SLC12A2: variants seen among roughly 807,000 people sequenced by gnomAD.
SLC12A2 encodes solute carrier family 12 member 2.
Under a neutral mutation model 136.3 loss-of-function variants are expected in SLC12A2, and 67 were observed. That is an observed-to-expected ratio of 0.49 (90% CI 0.40 to 0.60). SLC12A2 has a LOEUF of 0.60. Among genes scored for constraint, SLC12A2 ranks in the 20% least tolerant of loss-of-function variants. SLC12A2 has a pLI of 0.00. For synonymous variants in SLC12A2, 619 were observed against 562.9 expected, an observed-to-expected ratio of 1.10 and a Z score of -1.41; for missense variants, 1,322 against 1,534.7, an observed-to-expected ratio of 0.86 and a Z score of 2.32.
Position 128,083,775 on chromosome 5 carries a change from C to G in SLC12A2, c.-180C>G. 2.5e-6 allele frequency: 1 copy of G among 399,148 alleles called. No homozygotes were observed. The highest frequency in any genetic ancestry group is 4.2e-6 in the Non-Finnish European group (1 of 237,136). 24.7% of individuals were successfully genotyped at this position (399,148 alleles called of 1,614,324 possible). ...CCGCCCCGCGCCCGCCACACTCGCG[C>G]GCTCGCTCGGCTGCCGGTGGCCTCT... On this transcript the variant is annotated 5_prime_UTR_variant, in exon 1 of 27. Transcript: ENST00000262461.
chr5:128,102,859 C>CTTTAT (rs1760796515), intron 1 of SLC12A2, among the ~76,000 whole-genome samples: 2 of 151,770 alleles, frequency 1.3e-5, no homozygotes, highest in South Asian at 4.2e-4. Flanking sequence ...TGAGCTCAAG[C>CTTTAT]GATCCACTGG....
chr5:128,123,024 G>T (rs1761648893), intron 4 of SLC12A2, among the ~76,000 whole-genome samples: 1 of 151,996 alleles, frequency 6.6e-6, no homozygotes, highest in South Asian at 2.1e-4. Flanking sequence ...TACGAATCTG[G>T]CAAGTAATAG....
intron 11 of SLC12A2, among the ~76,000 whole-genome samples, chr5:128,148,412 TC>T (rs1294633846): frequency 6.6e-6 from 1 of 151,848 alleles, no homozygotes; most frequent in Admixed American, 6.6e-5. Context: ...CTTTAAGATT[TC>T]AGCTTGTTTT....
intron 15 of SLC12A2, among the ~76,000 whole-genome samples, chr5:128,155,214 T>A (rs1403626127): frequency 6.6e-6 from 1 of 152,204 alleles, no homozygotes; most frequent in East Asian, 1.9e-4. Flanking sequence ...CTCAGAATGA[T>A]GCATAATTTA....
Position 128,113,728 on chromosome 5 carries a change from CTT to C in SLC12A2, c.877-481_877-480del, listed in dbSNP as rs1411160802. Among the ~76,000 whole-genome samples the C allele has an allele frequency of 3.9e-5, 6 of 152,104 alleles. No individual in the cohort carries two copies. In the East Asian group the frequency reaches 1.2e-3, roughly 29 times the overall value. On this transcript the variant is annotated intron_variant, in intron 2 of 26. Transcript: ENST00000262461. ...TAAAACTGAAAATAAATAGGGGAAA[CTT>C]TTACAACTAATTTGAATTTTTAAAA...
At chr5:128,180,715 C>T (rs565652802) in intron 22 of SLC12A2, among the ~76,000 whole-genome samples, 168 bp from the exon 23 acceptor site, 89 of 152,230 alleles carry the variant, frequency 5.8e-4, no homozygotes, top group South Asian at 2.5e-3. Context: ...TTAGGAGTCC[C>T]TTGTTTCTCA....
chr5:128,166,936 G>A (rs1763224026), intron 17 of SLC12A2, among the ~76,000 whole-genome samples: 1 of 151,996 alleles, frequency 6.6e-6, no homozygotes, highest in Non-Finnish European at 1.5e-5. Context: ...TTGGCCCTCT[G>A]TGTCTGCAGG....
chr5:128,086,155 G>A (rs1760092501), intron 1 of SLC12A2, among the ~76,000 whole-genome samples: 1 of 152,164 alleles, frequency 6.6e-6, no homozygotes, highest in African/African-American at 2.4e-5. Flanking sequence ...GCAGTAAAGT[G>A]ATCTGTATTT....
At position 128,084,043 on chromosome 5, in the gene SLC12A2, C is replaced by T; in HGVS notation, c.89C>T (p.Ala30Val). 2.4e-6 allele frequency: 3 copies of T among 1,276,064 alleles called. No individual in the cohort carries two copies. The highest frequency in any genetic ancestry group is 2.0e-6 in the Non-Finnish European group (2 of 1,013,946). The allele number at this position is 1,276,064 out of a possible 1,614,324, so 79.0% of individuals were successfully genotyped here. A position where few individuals can be genotyped will look rare whatever the true frequency, so the allele number is the denominator to read the frequency against. ...CCGTCAGCCGCTGCGCTGGCCGCAG[C>T]CAGGGTGGAACTGCCCGGCACGGCT... ...ETPSAAALAA[A>V]RVELPGTAVP... is the part of the protein sequence containing the mutation. The change falls in exon 1 of 27, where the codon GCC becomes GTC. Residue 30 changes from alanine (A) to valine (V), a missense_variant. This residue lies in a region of SLC12A2 where 358 missense variants were observed against 299.7 expected (regional missense o/e 1.19). Coordinates refer to ENST00000262461, the MANE Select transcript of SLC12A2 (RefSeq NM_001046.3). The surrounding 1 kb of genome is among the most constrained non-coding windows in gnomAD (Gnocchi z 5.6).
At position 128,097,025 on chromosome 5, in the gene SLC12A2, A is replaced by G. The variant is rs7734711; in HGVS notation, c.756+12315A>G. Among the ~76,000 whole-genome samples the G allele has an allele frequency of 2.3e-3, 349 of 152,208 alleles. 1 individual carries two copies. The highest frequency in any genetic ancestry group is 7.8e-3 in the African/African-American group (326 of 41,576). ...GAAATTAACAATGTTTTAAATCTCA[A>G]TACAAAAAAAGAGTCAGTGAACTAT... On this transcript the variant is annotated intron_variant, in intron 1 of 26. Transcript: ENST00000262461.
At chr5:128,184,642 A>G (rs1378374570) in intron 25 of SLC12A2, 141 bp downstream of exon 25, 1 of 1,415,044 alleles carries the variant, frequency 7.1e-7, no homozygotes, top group Non-Finnish European at 9.6e-7. Flanking sequence ...AGTGGAAAGC[A>G]TTTTTAAAAA....
chr5:128,167,978 T>C (rs945786545), intron 18 of SLC12A2, 111 bp downstream of exon 18: 3 of 595,690 alleles, frequency 5.0e-6, no homozygotes, highest in East Asian at 3.1e-5. Context: ...AATGGAAATA[T>C]AAGAACGAAA....
At chr5:128,155,069 C>T (rs147512109) in intron 15 of SLC12A2, among the ~76,000 whole-genome samples, 3 of 152,058 alleles carry the variant, frequency 2.0e-5, no homozygotes, top group East Asian at 3.9e-4. Context: ...ACAGGCACTG[C>T]GATATGCAAC....
intron 18 of SLC12A2, chr5:128,168,973 G>A (rs1763287279): frequency 6.6e-6 from 1 of 152,126 alleles, no homozygotes; most frequent in African/African-American, 2.4e-5. Flanking sequence ...GGATTTTGTG[G>A]ATGTTTAATG....
At chr5:128,175,509 C>T (rs1763509859) in intron 20 of SLC12A2, among the ~76,000 whole-genome samples, 1 of 151,866 alleles carries the variant, frequency 6.6e-6, no homozygotes, top group African/African-American at 2.4e-5. Context: ...TTCATTTCCT[C>T]TTTTTTGTTT....
In SLC12A2 at chr5:128,084,480, G is replaced by A. The variant is rs1446502953; in HGVS notation, c.526G>A (p.Asp176Asn). The A allele has an allele frequency of 1.2e-6, 2 of 1,610,836 alleles. No individual in the cohort carries two copies. Among genetic ancestry groups the A allele is most frequent in the South Asian group, 1.1e-5 (1 of 90,960 alleles). ...GPNVSFQNGGDTVLSEGSSLH... is the reference protein window; with the variant it reads ...GPNVSFQNGGNTVLSEGSSLH... Reference sequence around the variant, plus strand: ...CAACGTGAGCTTCCAGAACGGCGGGGACACGGTGCTGAGCGAGGGCAGCAG... The same window carrying A: ...CAACGTGAGCTTCCAGAACGGCGGGAACACGGTGCTGAGCGAGGGCAGCAG... Residue 176 changes from aspartate (D) to asparagine (N), a missense_variant, in exon 1 of 27, where the codon GAC becomes AAC. Physicochemically the swap from Asp to Asn is conservative, Grantham distance 23 (BLOSUM62 1). Transcript: ENST00000262461. This position sits in a 1 kb window ranked among gnomAD's most constrained non-coding sequence, Gnocchi z 5.6.
Position 128,084,816 on chromosome 5 carries a change from G to A in SLC12A2, c.756+106G>A, listed in dbSNP as rs1457239386. On this transcript the variant is annotated intron_variant, in intron 1 of 26. Coordinates refer to ENST00000262461, the MANE Select transcript of SLC12A2 (RefSeq NM_001046.3). This position sits in a 1 kb window ranked among gnomAD's most constrained non-coding sequence, Gnocchi z 5.6. ...TTGAGGTGGCGGGAGTAGTAGACGTGCACGACTTGCTGGCATCTCTGGATT... is the reference window on the plus strand; with the variant it reads ...TTGAGGTGGCGGGAGTAGTAGACGTACACGACTTGCTGGCATCTCTGGATT... 13 of 1,236,242 alleles carry A rather than the reference G, an allele frequency of 1.1e-5. No homozygotes were observed. The highest frequency in any genetic ancestry group is 3.0e-5 in the African/African-American group (2 of 65,806). The allele number at this position is 1,236,242 out of a possible 1,614,324, so 76.6% of individuals were successfully genotyped here. A position where few individuals can be genotyped will look rare whatever the true frequency, so the allele number is the denominator to read the frequency against.
chr5:128,106,798 A>G lies in SLC12A2; in HGVS notation c.757-6016A>G, dbSNP rs180831327. 3.0e-3 allele frequency among the ~76,000 whole-genome samples: 461 copies of G among 152,260 alleles called. 3 individuals carry two copies. The highest frequency in any genetic ancestry group is 0.011 in the African/African-American group (449 of 41,554). ...AATTCTGATAAACACCCACAGCAAA[A>G]ATTTTTGGATGCCTGCATACTTTTG... On this transcript the variant is annotated intron_variant, in intron 1 of 26. Coordinates refer to ENST00000262461, the MANE Select transcript of SLC12A2 (RefSeq NM_001046.3).
Position 128,141,996 on chromosome 5 carries a change from T to G in SLC12A2, c.1773+15T>G. On this transcript the variant is annotated intron_variant, in intron 10 of 26. Transcript: ENST00000262461. ...ACAACTTCCAGGTGAGCATTGACTT[T>G]GTAATATACAGACATTCTGTATTTA... 1.2e-6 allele frequency: 2 copies of G among 1,610,386 alleles called. No individual in the cohort carries two copies. Among genetic ancestry groups the G allele is most frequent in the Non-Finnish European group, 8.5e-7 (1 of 1,176,924 alleles).
Sources: allele counts gnomAD v4.1 joint callset (sites outside exome capture counted in the v4.1 genomes callset), GRCh38; gene constraint gnomAD v4.1.1; regional missense constraint gnomAD v4.1.1; non-coding constraint Gnocchi (gnomAD v3.1); transcripts MANE v1.5; gene names NCBI Gene and HGNC (gene_info 2026-07-23, HGNC 2026-07-21).